Variants in DIP2C observed in about 807,000 individuals in gnomAD.
DIP2C encodes disco-interacting protein 2 homolog C.
A neutral mutation model predicts 192.4 loss-of-function variants in DIP2C; 33 were observed. That is an observed-to-expected ratio of 0.17 (90% CI 0.13 to 0.23). DIP2C has a LOEUF of 0.23. Among genes scored for constraint, DIP2C ranks in the 10% least tolerant of loss-of-function variants. The probability of loss-of-function intolerance (pLI) is 1.00; values close to 1 mark genes in which losing one functional copy is unlikely to be tolerated. For missense variants in DIP2C, 1,537 were observed against 2,110.1 expected (o/e 0.73, Z 5.32); for synonymous variants, 979 against 864.1 (o/e 1.13, Z -2.33).
chr10:323,376 A>ACG (rs1408990513), intron 31 of DIP2C, among the ~76,000 whole-genome samples: 1 of 118,720 alleles, frequency 8.4e-6, no homozygotes, highest in African/African-American at 3.4e-5. Context: ...CGCTGTTAGA[A>ACG]CAGTCAGTCG....
chr10:579,379 T>C (rs1850419776), intron 1 of DIP2C, among the ~76,000 whole-genome samples: 1 of 151,394 alleles, frequency 6.6e-6, no homozygotes, highest in African/African-American at 2.4e-5. Flanking sequence ...AAGTTCACTA[T>C]GTGTGTACAG....
chr10:646,609 C>T (rs1855470625), intron 1 of DIP2C, among the ~76,000 whole-genome samples: 1 of 152,210 alleles, frequency 6.6e-6, no homozygotes, highest in South Asian at 2.1e-4. Context: ...TTTTATAACA[C>T]TTGGCTATAA....
intron 28 of DIP2C, among the ~76,000 whole-genome samples, chr10:343,937 G>A (rs187697756): frequency 5.9e-5 from 9 of 152,350 alleles, no homozygotes; most frequent in Middle Eastern, 3.4e-3. Flanking sequence ...TGTATGGGGT[G>A]TAAGAGAGGC....
chr10:329,823 TC>T (rs1957424889), intron 29 of DIP2C, among the ~76,000 whole-genome samples: 1 of 152,174 alleles, frequency 6.6e-6, no homozygotes, highest in South Asian at 2.1e-4. Context: ...ATGGGGCAGT[TC>T]CTACCACTTT....
intron 34 of DIP2C, among the ~76,000 whole-genome samples, chr10:284,498 G>A (rs1337411737): frequency 6.6e-6 from 1 of 152,198 alleles, no homozygotes; most frequent in African/African-American, 2.4e-5. Flanking sequence ...AGCCAGAACA[G>A]AGAAGGACAA....
intron 28 of DIP2C, among the ~76,000 whole-genome samples, chr10:344,020 T>C (rs959483314): frequency 3.3e-5 from 5 of 151,978 alleles, no homozygotes; most frequent in Non-Finnish European, 7.4e-5. Context: ...GAAACAGGAA[T>C]TGACACCACT....
chr10:360,516 G>A (rs979724556), intron 22 of DIP2C, among the ~76,000 whole-genome samples: 2 of 152,180 alleles, frequency 1.3e-5, no homozygotes, highest in African/African-American at 2.4e-5. Flanking sequence ...TGGCGAATTC[G>A]CTCAGGGCAC....
intron 1 of DIP2C, among the ~76,000 whole-genome samples, chr10:577,613 T>A (rs1419615313): frequency 6.6e-6 from 1 of 152,194 alleles, no homozygotes; most frequent in African/African-American, 2.4e-5. Flanking sequence ...AGCCCTGCCA[T>A]CAGCCTGCTG....
At chr10:345,156 G>A in intron 26 of DIP2C, 46 bp from the exon 27 acceptor site, 4 of 1,549,928 alleles carry the variant, frequency 2.6e-6, no homozygotes, top group Non-Finnish European at 3.5e-6. Context: ...GGACCCAGAT[G>A]AAAGCGTGCT....
At chr10:333,570 C>T (rs2132484802) in intron 29 of DIP2C, among the ~76,000 whole-genome samples, 1 of 152,298 alleles carries the variant, frequency 6.6e-6, no homozygotes. Flanking sequence ...TGGATTGTTT[C>T]CTTGTGTTGA....
chr10:468,430 G>C (rs1054631584), intron 3 of DIP2C, among the ~76,000 whole-genome samples: 3 of 152,048 alleles, frequency 2.0e-5, no homozygotes, highest in Admixed American at 1.3e-4. Context: ...AAAGGTCATG[G>C]GGTGCGCTCC....
chr10:385,192 G>A (rs543329991), intron 14 of DIP2C, among the ~76,000 whole-genome samples: 67 of 149,974 alleles, frequency 4.5e-4, no homozygotes, highest in South Asian at 1.3e-3. Context: ...CACGGACACC[G>A]GGCTGCACAG....
intron 1 of DIP2C, among the ~76,000 whole-genome samples, chr10:580,663 A>G (rs1011101100): frequency 6.6e-6 from 1 of 152,252 alleles, no homozygotes; most frequent in Non-Finnish European, 1.5e-5. Flanking sequence ...TTTGTATAGT[A>G]CACATATACC....
At chr10:288,517 G>T in intron 32 of DIP2C, 96 bp from the exon 33 acceptor site, 3 of 1,318,380 alleles carry the variant, frequency 2.3e-6, no homozygotes, top group South Asian at 1.2e-5. Context: ...CAGCTGTCCG[G>T]GAAAGCTGAT....
At chr10:439,305 AAC>A (rs1967529830) in intron 4 of DIP2C, among the ~76,000 whole-genome samples, 7 of 117,604 alleles carry the variant, frequency 6.0e-5, no homozygotes, top group African/African-American at 4.8e-4. Context: ...CCTTGCCAAC[AAC>A]CTTGCTAGCA....
At chr10:683,097 G>C (rs1360256255) in intron 1 of DIP2C, among the ~76,000 whole-genome samples, 2 of 152,210 alleles carry the variant, frequency 1.3e-5, no homozygotes. Flanking sequence ...GCCCAAAACC[G>C]AAGCAGCAAC....
At chr10:440,375 T>C (rs1359126166) in intron 4 of DIP2C, among the ~76,000 whole-genome samples, 1 of 152,220 alleles carries the variant, frequency 6.6e-6, no homozygotes, top group Non-Finnish European at 1.5e-5. Flanking sequence ...TGACAGACCT[T>C]ATGGCCTGCA....
chr10:283,201 G>C (rs1406130619), intron 35 of DIP2C, 71 bp downstream of exon 35: 3 of 1,545,312 alleles, frequency 1.9e-6, no homozygotes, highest in African/African-American at 2.8e-5. Flanking sequence ...CTTGGGAAAG[G>C]CTTCTGTATC....
rs116023361 is a variant in DIP2C, at chr10:608,721, A to C, written c.85+80773T>G. 9.6e-3 allele frequency among the ~76,000 whole-genome samples: 726 copies of C among 76,000 alleles called. 23 individuals are homozygous for C. Among genetic ancestry groups the C allele is most frequent in the East Asian group, 0.024 (56 of 2,330 alleles). 49.9% of individuals were successfully genotyped at this position (76,000 alleles called of 152,430 possible). ...CCCCCCCACACACACACATCCCCCC[A>C]CACACACACCACTTCAAAAACAATT... On this transcript the variant is annotated intron_variant, in intron 1 of 36. Transcript: ENST00000280886.
Sources: allele counts gnomAD v4.1 joint callset (sites outside exome capture counted in the v4.1 genomes callset), GRCh38; gene constraint gnomAD v4.1.1; transcripts MANE v1.5; gene names NCBI Gene and HGNC (gene_info 2026-07-23, HGNC 2026-07-21).